Variants in SHH observed in about 807,000 individuals in gnomAD.
SHH encodes the protein sonic hedgehog signaling molecule.
Under a neutral mutation model 16.6 loss-of-function variants are expected in SHH, and 3 were observed. That is an observed-to-expected ratio of 0.18 (90% CI 0.08 to 0.47). SHH has a LOEUF of 0.47. Ranked by LOEUF, SHH falls within the 20% of genes least tolerant of loss-of-function variation. The pLI, the probability that SHH is intolerant of heterozygous loss-of-function variation, is 0.98. For synonymous variants in SHH, 351 were observed against 316.2 expected (o/e 1.11, Z -1.17); for missense variants, 499 against 665.0 (o/e 0.75, Z 2.75).
rs958761786 is a variant in SHH, at chr7:155,800,987, G to C, written c.*1913C>G. On this transcript the variant is annotated 3_prime_UTR_variant, in exon 3 of 3. Coordinates refer to ENST00000297261, the MANE Select transcript of SHH (RefSeq NM_000193.4). ...GCCTGCTCAGACGATTCGGCCCAAAGCACAAAGCATGGCAGACACCTTCCG... is the reference window on the plus strand; with the variant it reads ...GCCTGCTCAGACGATTCGGCCCAAACCACAAAGCATGGCAGACACCTTCCG... 1.8e-4 allele frequency: 35 copies of C among 196,282 alleles called. No homozygotes were observed. Among genetic ancestry groups the C allele is most frequent in the Non-Finnish European group, 1.8e-4 (17 of 93,544 alleles). 12.2% of individuals were successfully genotyped at this position (196,282 alleles called of 1,614,324 possible).
intron 1 of SHH, among the ~76,000 whole-genome samples, chr7:155,810,510 G>A (rs1584804837): frequency 6.6e-6 from 1 of 152,252 alleles, no homozygotes; most frequent in African/African-American, 2.4e-5. Flanking sequence ...TCGCGCTGCT[G>A]TCTGGCACTG....
intron 2 of SHH, among the ~76,000 whole-genome samples, 200 bp from the exon 3 acceptor site, chr7:155,803,926 C>CTGA (rs1263133787): frequency 4.0e-5 from 6 of 149,424 alleles, no homozygotes; most frequent in African/African-American, 1.0e-4. Flanking sequence ...GGACAGGATT[C>CTGA]CGACACATTC....
At chr7:155,804,614 C>T (rs1365527742) in intron 2 of SHH, among the ~76,000 whole-genome samples, 2 of 149,808 alleles carry the variant, frequency 1.3e-5, no homozygotes, top group Non-Finnish European at 3.0e-5. Flanking sequence ...GGCCTCTCTT[C>T]CAAGCACTCA....
rs1803148558 is a variant in SHH, at chr7:155,800,155, G to A, written c.*2745C>T. On this transcript the variant is annotated 3_prime_UTR_variant, in exon 3 of 3. Coordinates refer to ENST00000297261, the MANE Select transcript of SHH (RefSeq NM_000193.4). The stretch of plus-strand genomic sequence containing the variant: ...ACTCTTGGCTCCGTCAACCCTGAAT[G>A]AGAAGTCGGCGCCTCGTCCTGGCGG... The A allele has an allele frequency of 4.2e-6, 2 of 471,392 alleles. No individual in the cohort carries two copies. Among genetic ancestry groups the A allele is most frequent in the Non-Finnish European group, 4.4e-6 (1 of 227,168 alleles). 29.2% of individuals were successfully genotyped at this position (471,392 alleles called of 1,614,324 possible).
chr7:155,800,039 A>T lies in SHH; in HGVS notation c.*2861T>A. 2.1e-6 allele frequency: 1 copy of T among 471,566 alleles called. No homozygotes were observed. Among genetic ancestry groups the T allele is most frequent in the Non-Finnish European group, 4.4e-6 (1 of 227,156 alleles). The allele number at this position is 471,566 out of a possible 1,614,324, so 29.2% of individuals were successfully genotyped here. A position where few individuals can be genotyped will look rare whatever the true frequency, so the allele number is the denominator to read the frequency against. On this transcript the variant is annotated 3_prime_UTR_variant, in exon 3 of 3. Transcript: ENST00000297261. ...ATAGAGCACAAAGATAACAGTTTCA[A>T]GTACATTGTGATACACGTTTTGACA...
chr7:155,806,962 G>A, intron 1 of SHH: 1 of 261,552 alleles, frequency 3.8e-6, no homozygotes, highest in Non-Finnish European at 7.6e-6. Context: ...TCCACTTCTA[G>A]CCCCCCTTCT....
intron 2 of SHH, among the ~76,000 whole-genome samples, chr7:155,805,699 G>T (rs865778336): frequency 2.0e-5 from 3 of 152,248 alleles, no homozygotes; most frequent in South Asian, 2.1e-4. Flanking sequence ...CGCCGCCCAG[G>T]GCGTCCCGGC....
rs1803409461 is a variant in SHH, at chr7:155,807,981, C to T, written c.301-1424G>A. On this transcript the variant is annotated intron_variant, in intron 1 of 2. Coordinates refer to ENST00000297261, the MANE Select transcript of SHH (RefSeq NM_000193.4). This position sits in a 1 kb window ranked among gnomAD's most constrained non-coding sequence, Gnocchi z 7.1. ...GGGTGGGGCGAGGACGCTGGCCCCA[C>T]TGCTGCGGCGCTTTAAGGGGACGTG... 2.6e-5 allele frequency among the ~76,000 whole-genome samples: 4 copies of T among 152,094 alleles called. No individual in the cohort carries two copies. In the South Asian group the frequency reaches 8.3e-4, roughly 32 times the overall value.
chr7:155,811,016 C>A (rs1803511403), intron 1 of SHH, among the ~76,000 whole-genome samples: 1 of 152,196 alleles, frequency 6.6e-6, no homozygotes, highest in South Asian at 2.1e-4. Flanking sequence ...AATATTTATT[C>A]GCTCTTAATT....
chr7:155,811,301 G>T (rs2117150348), intron 1 of SHH, among the ~76,000 whole-genome samples: 1 of 152,354 alleles, frequency 6.6e-6, no homozygotes, highest in Non-Finnish European at 1.5e-5. Flanking sequence ...TGGTGGGGAG[G>T]TGCAGGGTGG....
intron 1 of SHH, chr7:155,806,945 G>GAGA: frequency 2.8e-5 from 7 of 247,568 alleles, no homozygotes; most frequent in East Asian, 9.2e-5. Flanking sequence ...CCGCCCCCAC[G>GAGA]TTGCCCTCCA....
rs999942157 is a variant in SHH, at chr7:155,803,692, G to A, written c.597C>T (p.Phe199=). ...NSVAAKSGGC[F]PGSATVHLEQ... The stretch of plus-strand genomic sequence containing the variant: ...CCAGGTGCACCGTGGCCGAGCCCGG[G>A]AAGCAGCCTCCCGATTTGGCCGCCA... Residue 199 remains phenylalanine (F), a synonymous_variant, in exon 3 of 3, where the codon TTC becomes TTT. Coordinates refer to ENST00000297261, the MANE Select transcript of SHH (RefSeq NM_000193.4). 8.8e-6 allele frequency: 14 copies of A among 1,597,780 alleles called. No homozygotes were observed. The Admixed American group carries it at 1.0e-4, about 11-fold the overall frequency.
chr7:155,812,209 C>T lies in SHH; in HGVS notation c.-87G>A. ...CGGCGGGTGTGTGCGTGTGCGCTCT[C>T]TCTTGCGCTTTCCCTTCCTCGCTCC... On this transcript the variant is annotated 5_prime_UTR_variant, in exon 1 of 3. Transcript: ENST00000297261. 1 of 1,300,610 alleles carries T rather than the reference C, an allele frequency of 7.7e-7. No individual in the cohort carries two copies. The highest frequency in any genetic ancestry group is 2.3e-5 in the East Asian group (1 of 43,236). The allele number at this position is 1,300,610 out of a possible 1,614,324, so 80.6% of individuals were successfully genotyped here.
At position 155,806,384 on chromosome 7, in the gene SHH, G is replaced by A. The variant is rs146990376; in HGVS notation, c.474C>T (p.Tyr158=). ...CCACCGCCAGGCGGGCCAGCATGCC[G>A]TACTTGCTGCGGTCGCGGTCAGACG... The part of the protein sequence containing the change: ...ITTSDRDRSK[Y]GMLARLAVEA... Residue 158 remains tyrosine (Y), a synonymous_variant, in exon 2 of 3, where the codon TAC becomes TAT. Transcript: ENST00000297261. 57 of 1,613,602 alleles carry A rather than the reference G, an allele frequency of 3.5e-5. No homozygotes were observed. Among genetic ancestry groups the A allele is most frequent in the Non-Finnish European group, 4.7e-5 (56 of 1,180,046 alleles).
At position 155,802,967 on chromosome 7, in the gene SHH, T is replaced by C. The variant is rs772208100; in HGVS notation, c.1322A>G (p.Gln441Arg). 2 of 1,558,462 alleles carry C rather than the reference T, an allele frequency of 1.3e-6. No homozygotes were observed. Among genetic ancestry groups the C allele is most frequent in the Admixed American group, 3.7e-5 (2 of 54,242 alleles). ...GCTGTCCAGGAGCCAGGTGCCTATT[T>C]GGTAGAGCAGCTGCGAGTACCAGTG... Reference protein sequence around the residue: ...GIHWYSQLLYQIGTWLLDSEA... With the variant: ...GIHWYSQLLYRIGTWLLDSEA... Residue 441 changes from glutamine (Q) to arginine (R), a missense_variant, in exon 3 of 3, where the codon CAA becomes CGA. Coordinates refer to ENST00000297261, the MANE Select transcript of SHH (RefSeq NM_000193.4).
Position 155,807,568 on chromosome 7 carries a change from G to A in SHH, c.301-1011C>T, listed in dbSNP as rs773327364. Among the ~76,000 whole-genome samples, 1 of 152,156 alleles carries A rather than the reference G, an allele frequency of 6.6e-6. No homozygotes were observed. The highest frequency in any genetic ancestry group is 2.4e-5 in the African/African-American group (1 of 41,438). On this transcript the variant is annotated intron_variant, in intron 1 of 2. Coordinates refer to ENST00000297261, the MANE Select transcript of SHH (RefSeq NM_000193.4). This position sits in a 1 kb window ranked among gnomAD's most constrained non-coding sequence, Gnocchi z 7.1. ...AAACACTGACTAGGCAGATGCAGAC[G>A]GGGTTACCTGGGATTCAGATTGTGG...
rs1803441627 is a variant in SHH at position 155,809,030 on chromosome 7, A to T, written c.301-2473T>A. The T allele has an allele frequency of 6.6e-6, 1 of 152,210 alleles. No individual in the cohort carries two copies. Among genetic ancestry groups the T allele is most frequent in the African/African-American group, 2.4e-5 (1 of 41,380 alleles). The allele number at this position is 152,210 out of a possible 1,614,324, so 9.4% of individuals were successfully genotyped here. ...CCTGGCGGCCCCAGAGCGCACATTA[A>T]ATCTATTTAGTGTAGCGGCTCGGGA... On this transcript the variant is annotated intron_variant, in intron 1 of 2. Transcript: ENST00000297261. This position sits in a 1 kb window ranked among gnomAD's most constrained non-coding sequence, Gnocchi z 6.1.
At chr7:155,806,974 G>T (rs1445439826) in intron 1 of SHH, 4 of 285,866 alleles carry the variant, frequency 1.4e-5, no homozygotes, top group Non-Finnish European at 2.7e-5. Context: ...CCCCCTTCTG[G>T]GGCCCCTTTC....
At chr7:155,806,739 A>AG (rs1237892981) in intron 1 of SHH, 182 bp from the exon 2 acceptor site, 5 of 765,338 alleles carry the variant, frequency 6.5e-6, no homozygotes, top group Non-Finnish European at 1.2e-5. Context: ...GCTGGGGAAG[A>AG]GGGACAGCAT....
Sources: allele counts gnomAD v4.1 joint callset (sites outside exome capture counted in the v4.1 genomes callset), GRCh38; gene constraint gnomAD v4.1.1; non-coding constraint Gnocchi (gnomAD v3.1); transcripts MANE v1.5; gene names NCBI Gene and HGNC (gene_info 2026-07-23, HGNC 2026-07-21).